The following ZFHX3 variants were observed in gnomAD, a reference collection of about 807,000 sequenced individuals.
ZFHX3 encodes zinc finger homeobox 3, also known as zinc finger homeobox protein 3.
Under a neutral mutation model 279.1 loss-of-function variants are expected in ZFHX3, and 42 were observed. The ratio of observed to expected loss-of-function variants is 0.15; its 90% CI spans 0.12 to 0.19. The LOEUF is 0.19. Ranked by LOEUF, ZFHX3 falls within the 10% of genes least tolerant of loss-of-function variation. The pLI, the probability that ZFHX3 is intolerant of heterozygous loss-of-function variation, is 1.00. For synonymous variants in ZFHX3, 2,293 were observed against 1,957.8 expected (o/e 1.17, Z -4.52); for missense variants, 4,981 against 4,754.0 (o/e 1.05, Z -1.40).
chr16:73,387,314 A>T (rs1188781081), intron 3 of ZFHX3: 1 of 152,132 alleles, frequency 6.6e-6, no homozygotes, highest in Non-Finnish European at 1.5e-5. Flanking sequence ...TGCTTTGTGA[A>T]TCCCACAACT....
At chr16:73,459,259 A>G (rs1478013040) in intron 2 of ZFHX3, among the ~76,000 whole-genome samples, 1 of 152,248 alleles carries the variant, frequency 6.6e-6, no homozygotes, top group Non-Finnish European at 1.5e-5. Context: ...GTAAATGTAT[A>G]TGTATCATTT....
At chr16:73,235,475 A>T (rs1185870453) in intron 5 of ZFHX3, among the ~76,000 whole-genome samples, 2 of 152,066 alleles carry the variant, frequency 1.3e-5, no homozygotes, top group Non-Finnish European at 2.9e-5. Context: ...AGGGGTCATA[A>T]CTCGGAAATC....
At chr16:73,264,614 A>G (rs1294309289) in intron 4 of ZFHX3, among the ~76,000 whole-genome samples, 3 of 151,878 alleles carry the variant, frequency 2.0e-5, no homozygotes, top group African/African-American at 4.8e-5. Flanking sequence ...TATTTGGGGA[A>G]CGGGTGGTAT....
intron 1 of ZFHX3, among the ~76,000 whole-genome samples, chr16:73,871,047 C>A (rs1962149537): frequency 6.6e-6 from 1 of 152,190 alleles, no homozygotes; most frequent in Admixed American, 6.5e-5. Context: ...ATGCAAGAGA[C>A]TTTCGTGGGT....
intron 3 of ZFHX3, among the ~76,000 whole-genome samples, chr16:72,912,821 T>A (rs1310895886): frequency 6.6e-6 from 1 of 152,042 alleles, no homozygotes; most frequent in African/African-American, 2.4e-5. Flanking sequence ...GCCTCCCAGG[T>A]TCAAGCGACT....
intron 1 of ZFHX3, among the ~76,000 whole-genome samples, chr16:73,868,073 G>A (rs1962074126): frequency 1.3e-5 from 2 of 152,172 alleles, no homozygotes; most frequent in Admixed American, 6.5e-5. Context: ...GTCTCTGGTT[G>A]ATGCTTTTTG....
Position 72,882,974 on chromosome 16 carries a change from T to TGG in ZFHX3, c.3448+6755_3448+6756dup, listed in dbSNP as rs772424116. ...CAGATTTTTGGCCTTCACACCACTC[T>TGG]GGGGTGTGTGTGTGTGTGTGTGTGT... is the stretch of plus-strand genomic sequence containing the variant. On this transcript the variant is annotated intron_variant, in intron 4 of 9. Transcript: ENST00000268489. Among the ~76,000 whole-genome samples the TGG allele has an allele frequency of 4.1e-3, 481 of 118,390 alleles. 22 individuals carry two copies. Among genetic ancestry groups the TGG allele is most frequent in the Middle Eastern group, 8.3e-3 (2 of 242 alleles). 77.7% of individuals were successfully genotyped at this position (118,390 alleles called of 152,430 possible). A position where few individuals can be genotyped will look rare whatever the true frequency, so the allele number is the denominator to read the frequency against.
intron 1 of ZFHX3, among the ~76,000 whole-genome samples, chr16:73,726,110 G>A (rs141770638): frequency 1.3e-3 from 192 of 152,264 alleles, no homozygotes; most frequent in African/African-American, 4.5e-3. Context: ...TAAGGGGAAG[G>A]AGGTAACAGA....
chr16:73,257,576 T>C (rs989213835), intron 4 of ZFHX3, among the ~76,000 whole-genome samples: 20 of 152,234 alleles, frequency 1.3e-4, no homozygotes, highest in African/African-American at 4.6e-4. Flanking sequence ...TAGGTCTTTA[T>C]GATTTCAGAG....
At chr16:73,846,111 T>A (rs891149079) in intron 1 of ZFHX3, among the ~76,000 whole-genome samples, 18 of 152,232 alleles carry the variant, frequency 1.2e-4, no homozygotes, top group Admixed American at 1.2e-3. Context: ...AAAAGCTCTT[T>A]ACTTTGAAAG....
chr16:73,094,354 T>C (rs1053046895), intron 7 of ZFHX3, among the ~76,000 whole-genome samples: 16 of 152,340 alleles, frequency 1.1e-4, no homozygotes, highest in Admixed American at 9.8e-4. Flanking sequence ...CCTGTAAACC[T>C]TCTCTTCATA....
chr16:73,506,495 G>C (rs1464832390), intron 2 of ZFHX3, among the ~76,000 whole-genome samples: 2 of 152,112 alleles, frequency 1.3e-5, no homozygotes, highest in Non-Finnish European at 2.9e-5. Context: ...GGAAAAAGTT[G>C]AGCAGACCTA....
chr16:73,211,126 C>T (rs1168591978), intron 5 of ZFHX3, among the ~76,000 whole-genome samples: 1 of 152,150 alleles, frequency 6.6e-6, no homozygotes. Flanking sequence ...TGATCTTTCT[C>T]ACTTTGCCAT....
At chr16:72,890,766 C>G (rs943774351) in intron 3 of ZFHX3, among the ~76,000 whole-genome samples, 1 of 152,232 alleles carries the variant, frequency 6.6e-6, no homozygotes, top group African/African-American at 2.4e-5. Flanking sequence ...CCAAATTCAA[C>G]CCACTGCCTG....
intron 4 of ZFHX3, among the ~76,000 whole-genome samples, chr16:72,860,779 G>A (rs964127784): frequency 1.3e-5 from 2 of 152,080 alleles, no homozygotes; most frequent in African/African-American, 2.4e-5. Context: ...CCTATGGACC[G>A]CCCTCACAGA....
chr16:73,728,015 G>GCCCCTCC (rs2053534576), intron 1 of ZFHX3, among the ~76,000 whole-genome samples: 1 of 75,426 alleles, frequency 1.3e-5, no homozygotes, highest in Non-Finnish European at 2.6e-5. Flanking sequence ...GCCGAATTGT[G>GCCCCTCC]CCCCCCCCCC....
intron 4 of ZFHX3, among the ~76,000 whole-genome samples, chr16:72,883,861 C>T (rs1227289211): frequency 6.6e-6 from 1 of 152,154 alleles, no homozygotes; most frequent in Non-Finnish European, 1.5e-5. Flanking sequence ...CCTATACCTT[C>T]CCCAAACCCG....
chr16:73,630,021 G>A (rs1271338954), intron 2 of ZFHX3, among the ~76,000 whole-genome samples: 2 of 151,982 alleles, frequency 1.3e-5, no homozygotes, highest in South Asian at 2.1e-4. Flanking sequence ...ACCATCCCCG[G>A]CCCATCCATC....
At chr16:73,271,861 C>T (rs772193840) in intron 4 of ZFHX3, among the ~76,000 whole-genome samples, 13 of 152,208 alleles carry the variant, frequency 8.5e-5, no homozygotes, top group Admixed American at 2.0e-4. Flanking sequence ...TGTCTCATCA[C>T]CTGCTTCTCT....
Sources: allele counts gnomAD v4.1 joint callset (sites outside exome capture counted in the v4.1 genomes callset), GRCh38; gene constraint gnomAD v4.1.1; transcripts MANE v1.5; gene names NCBI Gene and HGNC (gene_info 2026-07-23, HGNC 2026-07-21).